KRTCAP3: variants seen among roughly 807,000 people sequenced by gnomAD.
The protein encoded by KRTCAP3 is keratinocyte associated protein 3, also known as keratinocyte-associated protein 3.
A neutral mutation model predicts 20.5 loss-of-function variants in KRTCAP3; 18 were observed. The ratio of observed to expected loss-of-function variants is 0.88; its 90% CI spans 0.61 to 1.31. The LOEUF is 1.31. KRTCAP3 is among the 50% of genes most tolerant of loss of function. The pLI, the probability that KRTCAP3 is intolerant of heterozygous loss-of-function variation, is 0.00. For missense variants in KRTCAP3, 347 were observed against 310.4 expected (o/e 1.12, Z -0.89); for synonymous variants, 167 against 133.7 (o/e 1.25, Z -1.72).
Position 27,443,058 on chromosome 2 carries a change from C to CAGG in KRTCAP3, c.274-16_274-15insAGG. ...CCAGGCCCAGGCTGCTCACCCTGAT[C>CAGG]TCCTGTCCCTGCCAGCACTGGGTCC... On this transcript the variant is annotated splice_polypyrimidine_tract_variant and intron_variant, in intron 3 of 6. Transcript: ENST00000288873. 1 of 1,609,816 alleles carries CAGG rather than the reference C, an allele frequency of 6.2e-7. No homozygotes were observed. The highest frequency in any genetic ancestry group is 8.5e-7 in the Non-Finnish European group (1 of 1,176,930).
chr2:27,442,410 G>T lies in KRTCAP3; in HGVS notation c.-3G>T, dbSNP rs750624978. On this transcript the variant is annotated 5_prime_UTR_variant, in exon 1 of 7. Transcript: ENST00000288873. ...CGGCCCTGCGGCTGGCGCGGCGGAC[G>T]GGATGAGGCGCTGCAGTCTCTGCGC... 2 of 1,555,776 alleles carry T rather than the reference G, an allele frequency of 1.3e-6. No homozygotes were observed. Among genetic ancestry groups the T allele is most frequent in the Admixed American group, 1.9e-5 (1 of 51,848 alleles).
Position 27,444,226 on chromosome 2 carries a change from C to T in KRTCAP3, c.*46C>T. ...GACTCAGTCCTAAAGGGTTTTTTTT[C>T]CCACTAAGCAAGGGGCCCTGACCTC... is the stretch of plus-strand genomic sequence containing the variant. On this transcript the variant is annotated 3_prime_UTR_variant, in exon 7 of 7. Coordinates refer to ENST00000288873, the MANE Select transcript of KRTCAP3 (RefSeq NM_173853.4). 1.5e-6 allele frequency: 1 copy of T among 651,380 alleles called. No homozygotes were observed. The highest frequency in any genetic ancestry group is 2.7e-6 in the Non-Finnish European group (1 of 369,376). 40.4% of individuals were successfully genotyped at this position (651,380 alleles called of 1,614,324 possible).
chr2:27,445,380 G>C, downstream of KRTCAP3: 2 of 1,613,030 alleles, frequency 1.2e-6, no homozygotes, highest in Non-Finnish European at 1.7e-6. This position sits in a 1 kb window ranked among gnomAD's most constrained non-coding sequence, Gnocchi z 4.4. Flanking sequence ...TCCCGAGGCA[G>C]AACCTGCTCC....
chr2:27,443,038 C>G (rs753460448), intron 3 of KRTCAP3, 36 bp from the exon 4 acceptor site: 24 of 1,588,054 alleles, frequency 1.5e-5, no homozygotes. Flanking sequence ...GTTAGCCAGG[C>G]CCAGGCTGCT....
In KRTCAP3 at chr2:27,443,082, C is replaced by G. The variant is rs1285808984; in HGVS notation, c.282C>G (p.Val94=). The G allele has an allele frequency of 6.2e-7, 1 of 1,612,904 alleles. No individual in the cohort carries two copies. The highest frequency in any genetic ancestry group is 1.3e-5 in the African/African-American group (1 of 75,006). Residue 94 remains valine, a synonymous_variant, in exon 4 of 7, where the codon GTC becomes GTG. Transcript: ENST00000288873. ...TCTCCTGTCCCTGCCAGCACTGGGT[C>G]CTGCTGGCACTAGCTCTGGTGAACC... The part of the protein sequence containing the change: ...RNLLRPPLHW[V]LLALALVNLL...
At chr2:27,445,734 T>C, downstream of KRTCAP3, 1 of 1,614,134 alleles carries the variant, frequency 6.2e-7, no homozygotes, top group Non-Finnish European at 8.5e-7. This position sits in a 1 kb window ranked among gnomAD's most constrained non-coding sequence, Gnocchi z 4.4. Context: ...TTTCCAACCC[T>C]GTGCCCTTAC....
At chr2:27,445,326 C>G, downstream of KRTCAP3, 1 of 1,613,174 alleles carries the variant, frequency 6.2e-7, no homozygotes, top group South Asian at 1.1e-5. This position sits in a 1 kb window ranked among gnomAD's most constrained non-coding sequence, Gnocchi z 4.4. Flanking sequence ...GCTCGAACAC[C>G]AGTGCTCGCT....
At chr2:27,444,345 A>C, downstream of KRTCAP3, 1 of 815,154 alleles carries the variant, frequency 1.2e-6, no homozygotes, top group Non-Finnish European at 2.0e-6. Flanking sequence ...GGTGTTGGGA[A>C]TGACTTTGAT....
In KRTCAP3 at chr2:27,442,755, G is replaced by A. The variant is rs1558344018; in HGVS notation, c.205G>A (p.Gly69Arg). Residue 69 changes from glycine to arginine, a missense_variant, in exon 2 of 7, where the codon GGG becomes AGG. Coordinates refer to ENST00000288873, the MANE Select transcript of KRTCAP3 (RefSeq NM_173853.4). Reference protein sequence around the residue: ...TVANVISVGSGLLSVSVGLVA... With the variant: ...TVANVISVGSRLLSVSVGLVA... Reference sequence around the variant, plus strand: ...AGCCAATGTCATCTCTGTCGGCTCGGGGCTGCTGGTGAGCGCGGCAGGCGA... The same window carrying A: ...AGCCAATGTCATCTCTGTCGGCTCGAGGCTGCTGGTGAGCGCGGCAGGCGA... 3 of 1,609,504 alleles carry A rather than the reference G, an allele frequency of 1.9e-6. No individual in the cohort carries two copies. Among genetic ancestry groups the A allele is most frequent in the African/African-American group, 1.3e-5 (1 of 74,742 alleles).
downstream of KRTCAP3, chr2:27,445,046 C>T (rs542662514): frequency 2.2e-5 from 35 of 1,613,914 alleles, no homozygotes; most frequent in Admixed American, 2.5e-4. This position sits in a 1 kb window ranked among gnomAD's most constrained non-coding sequence, Gnocchi z 4.4. Context: ...TTCCAGTTGT[C>T]CTTGTTAGCA....
At chr2:27,444,557 T>C, downstream of KRTCAP3, 1 of 1,533,362 alleles carries the variant, frequency 6.5e-7, no homozygotes. Flanking sequence ...AGGAACTTGT[T>C]AATGCTGGAA....
In KRTCAP3 at chr2:27,443,930, ACT is replaced by A. The variant is rs1491291493; in HGVS notation, c.616-16_616-15del. The A allele has an allele frequency of 7.2e-7, 1 of 1,391,284 alleles. No individual in the cohort carries two copies. Among genetic ancestry groups the A allele is most frequent in the Admixed American group, 1.7e-5 (1 of 59,744 alleles). 86.2% of individuals were successfully genotyped at this position (1,391,284 alleles called of 1,614,324 possible). On this transcript the variant is annotated splice_polypyrimidine_tract_variant and intron_variant, in intron 5 of 6. Coordinates refer to ENST00000288873, the MANE Select transcript of KRTCAP3 (RefSeq NM_173853.4). ...CTATCATTCAGGGCGAGGGTGTCTA[ACT>A]CTATCTTCTTCTGCAGCTAGAGGAA...
In KRTCAP3 at chr2:27,443,431, C is replaced by T; in HGVS notation, c.514C>T (p.Leu172Phe). The change falls in exon 5 of 7, where the codon CTC becomes TTC. Residue 172 changes from leucine to phenylalanine, a missense_variant. Physicochemically the swap from Leu to Phe is conservative, Grantham distance 22. Transcript: ENST00000288873. Reference sequence around the variant, plus strand: ...CTTGGCTCTCTGGATCCCTTCTTTGCTCATGTCTGCAGGGGAGGCTGCTCT... The same window carrying T: ...CTTGGCTCTCTGGATCCCTTCTTTGTTCATGTCTGCAGGGGAGGCTGCTCT... Reference protein sequence around the residue: ...TALALWIPSLLMSAGEAALSG... With the variant: ...TALALWIPSLFMSAGEAALSG... 1 of 1,614,148 alleles carries T rather than the reference C, an allele frequency of 6.2e-7. No homozygotes were observed. Among genetic ancestry groups the T allele is most frequent in the Non-Finnish European group, 8.5e-7 (1 of 1,180,022 alleles).
downstream of KRTCAP3, chr2:27,445,630 C>T (rs919246499): frequency 1.1e-5 from 15 of 1,392,896 alleles, no homozygotes; most frequent in Admixed American, 2.2e-5. The surrounding 1 kb of genome is among the most constrained non-coding windows in gnomAD (Gnocchi z 4.4). Flanking sequence ...TCTACTTTCA[C>T]TGAAAAAACA....
downstream of KRTCAP3, chr2:27,445,585 G>C: frequency 1.6e-6 from 2 of 1,284,028 alleles, no homozygotes; most frequent in South Asian, 2.9e-5. The surrounding 1 kb of genome is among the most constrained non-coding windows in gnomAD (Gnocchi z 4.4). Flanking sequence ...CTTGGATTGG[G>C]GGATGCAGTC....
chr2:27,443,826 A>C (rs1664773119), intron 5 of KRTCAP3, 123 bp from the exon 6 acceptor site: 1 of 673,836 alleles, frequency 1.5e-6, no homozygotes, highest in African/African-American at 1.8e-5. Context: ...CAGTGAACCG[A>C]GATCACGCCA....
At chr2:27,442,817 G>C in intron 2 of KRTCAP3, 25 bp from the exon 3 acceptor site, 1 of 1,611,492 alleles carries the variant, frequency 6.2e-7, no homozygotes, top group Non-Finnish European at 8.5e-7. Flanking sequence ...AGCCCAGCAG[G>C]CCAAAGGCTT....
downstream of KRTCAP3, chr2:27,444,520 G>GT (rs1337778963): frequency 1.2e-5 from 19 of 1,612,882 alleles, no homozygotes; most frequent in Non-Finnish European, 1.6e-5. Context: ...GCTGTGGGAG[G>GT]TCTGTGAGCA....
At chr2:27,445,935 C>G, downstream of KRTCAP3, 1 of 1,614,222 alleles carries the variant, frequency 6.2e-7, no homozygotes, top group Non-Finnish European at 8.5e-7. This position sits in a 1 kb window ranked among gnomAD's most constrained non-coding sequence, Gnocchi z 4.4. Context: ...TCACATCGGT[C>G]AGGTCCAAAA....
Sources: allele counts gnomAD v4.1 joint callset, GRCh38; gene constraint gnomAD v4.1.1; non-coding constraint Gnocchi (gnomAD v3.1); transcripts MANE v1.5; gene names NCBI Gene and HGNC (gene_info 2026-07-23, HGNC 2026-07-21).